Variants in SGCZ observed in about 807,000 individuals in gnomAD.
The protein encoded by SGCZ is sarcoglycan zeta.
SGCZ carries 40 observed loss-of-function variants against 41.3 expected under a neutral mutation model. The ratio of observed to expected loss-of-function variants is 0.97; its 90% confidence interval spans 0.75 to 1.26. The LOEUF is 1.26. SGCZ is among the 50% of genes most tolerant of loss of function. SGCZ has a pLI of 0.00. For missense variants in SGCZ, 552 were observed against 369.8 expected, an observed-to-expected ratio of 1.49 and a Z score of -4.04; for synonymous variants, 206 against 137.5, an observed-to-expected ratio of 1.50 and a Z score of -3.49.
chr8:14,413,886 C>T (rs1187740353), intron 2 of SGCZ, among the ~76,000 whole-genome samples: 4 of 151,934 alleles, frequency 2.6e-5, no homozygotes, highest in Non-Finnish European at 5.9e-5. Flanking sequence ...ATCCAGTCAT[C>T]TAGAACTCTG....
chr8:14,354,973 A>C (rs2117114781), intron 2 of SGCZ, among the ~76,000 whole-genome samples: 1 of 152,088 alleles, frequency 6.6e-6, no homozygotes, highest in Non-Finnish European at 1.5e-5. Context: ...GTTCAATATT[A>C]ATAAATATTT....
intron 1 of SGCZ, among the ~76,000 whole-genome samples, chr8:15,030,745 GGT>G (rs1259524260): frequency 3.9e-5 from 6 of 152,230 alleles, no homozygotes; most frequent in African/African-American, 9.6e-5. Context: ...ATGATTTCCT[GGT>G]TAAGGACTAC....
intron 3 of SGCZ, among the ~76,000 whole-genome samples, chr8:14,303,716 C>G (rs561492624): frequency 6.6e-6 from 1 of 152,036 alleles, no homozygotes; most frequent in African/African-American, 2.4e-5. Context: ...ATAGCAAAAT[C>G]TCTCTCTATA....
chr8:14,137,335 A>G (rs1323143203), intron 5 of SGCZ, among the ~76,000 whole-genome samples: 1 of 152,240 alleles, frequency 6.6e-6, no homozygotes, highest in Non-Finnish European at 1.5e-5. Context: ...GACTTTGTCA[A>G]GTTGACAGAA....
chr8:14,133,668 T>C (rs1585165082), intron 5 of SGCZ, among the ~76,000 whole-genome samples: 1 of 152,224 alleles, frequency 6.6e-6, no homozygotes, highest in Non-Finnish European at 1.5e-5. Flanking sequence ...TTTACTATTT[T>C]TTTTAATCAG....
chr8:14,899,084 T>G (rs529881850), intron 1 of SGCZ, among the ~76,000 whole-genome samples: 58 of 151,898 alleles, frequency 3.8e-4, no homozygotes, highest in African/African-American at 5.6e-4. Flanking sequence ...GGAACTGTAA[T>G]TTTTTTTTCC....
intron 1 of SGCZ, among the ~76,000 whole-genome samples, chr8:14,841,366 T>C (rs1802904737): frequency 6.6e-6 from 1 of 152,036 alleles, no homozygotes; most frequent in Non-Finnish European, 1.5e-5. Context: ...AGAATTTCAT[T>C]TATTGGATTT....
intron 2 of SGCZ, among the ~76,000 whole-genome samples, chr8:14,364,922 C>T (rs953322912): frequency 6.6e-6 from 1 of 152,094 alleles, no homozygotes; most frequent in Non-Finnish European, 1.5e-5. Flanking sequence ...TTCCTCCCCA[C>T]CCCAAATGTC....
chr8:15,052,127 A>G (rs1434339748), intron 1 of SGCZ, among the ~76,000 whole-genome samples: 2 of 152,210 alleles, frequency 1.3e-5, no homozygotes, highest in Non-Finnish European at 2.9e-5. Flanking sequence ...GAGTCTATCA[A>G]GATTTCATCA....
At chr8:14,264,679 T>C (rs1007950857) in intron 3 of SGCZ, among the ~76,000 whole-genome samples, 52 of 152,082 alleles carry the variant, frequency 3.4e-4, no homozygotes, top group African/African-American at 1.0e-3. Flanking sequence ...CCCCAGATGG[T>C]TGCCGGGAGC....
chr8:14,736,973 C>T (rs2130261400), intron 1 of SGCZ, among the ~76,000 whole-genome samples: 1 of 151,414 alleles, frequency 6.6e-6, no homozygotes, highest in African/African-American at 2.4e-5. Context: ...TGGAACCAAA[C>T]CAAATCCACA....
At position 14,150,562 on chromosome 8, in the gene SGCZ, A is replaced by G. The variant is rs1803669071; in HGVS notation, c.547+14018T>C. Among the ~76,000 whole-genome samples, 5 of 152,168 alleles carry G rather than the reference A, an allele frequency of 3.3e-5. No individual in the cohort carries two copies. In the South Asian group the frequency reaches 1.0e-3, roughly 31 times the overall value. ...TGCAGAGAAAAGGGAACCCTTGTATACTATTGGAGGGAATGTAAATTAGTA... is the reference window on the plus strand; with the variant it reads ...TGCAGAGAAAAGGGAACCCTTGTATGCTATTGGAGGGAATGTAAATTAGTA... On this transcript the variant is annotated intron_variant, in intron 5 of 7. Transcript: ENST00000382080.
intron 1 of SGCZ, among the ~76,000 whole-genome samples, chr8:15,198,246 G>A (rs1020798668): frequency 9.2e-5 from 14 of 151,750 alleles, no homozygotes; most frequent in African/African-American, 1.4e-4. Context: ...GCATTTTTAC[G>A]CCAAAATATG....
At chr8:15,163,505 T>C (rs999259538) in intron 1 of SGCZ, among the ~76,000 whole-genome samples, 6 of 152,230 alleles carry the variant, frequency 3.9e-5, no homozygotes, top group African/African-American at 1.4e-4. Context: ...TGTTATTGAC[T>C]GTGTGGTTTC....
At chr8:14,574,254 A>G (rs1804643376) in intron 1 of SGCZ, among the ~76,000 whole-genome samples, 1 of 152,018 alleles carries the variant, frequency 6.6e-6, no homozygotes, top group African/African-American at 2.4e-5. Flanking sequence ...CTCAGAAGCA[A>G]AGATTCTTGC....
At chr8:14,950,956 G>A (rs1156575998) in intron 1 of SGCZ, among the ~76,000 whole-genome samples, 4 of 151,994 alleles carry the variant, frequency 2.6e-5, no homozygotes, top group Non-Finnish European at 5.9e-5. Flanking sequence ...AGTTTTGAAT[G>A]TAGATGTAAG....
At chr8:14,466,771 C>T (rs992945426) in intron 2 of SGCZ, among the ~76,000 whole-genome samples, 11 of 151,622 alleles carry the variant, frequency 7.3e-5, no homozygotes, top group Non-Finnish European at 1.0e-4. Context: ...TTCCAGTTAC[C>T]GTAGTTTTCA....
At chr8:14,909,534 T>C (rs1452549118) in intron 1 of SGCZ, among the ~76,000 whole-genome samples, 1 of 152,298 alleles carries the variant, frequency 6.6e-6, no homozygotes, top group Admixed American at 6.5e-5. Context: ...TTCCCAAGTC[T>C]TATATTACGT....
chr8:14,169,829 T>C (rs1455047240), intron 4 of SGCZ, among the ~76,000 whole-genome samples: 8 of 152,178 alleles, frequency 5.3e-5, no homozygotes, highest in Non-Finnish European at 8.8e-5. Flanking sequence ...CTTTTAAGGC[T>C]AGCTGTACCT....
Sources: gnomAD v4.1 joint callset for allele counts (sites outside exome capture counted in the v4.1 genomes callset) on GRCh38, gnomAD v4.1.1 for gene constraint, MANE v1.5 for transcripts, NCBI Gene and HGNC (gene_info 2026-07-23, HGNC 2026-07-21) for gene names.